The following CAST variants were observed in gnomAD, a reference collection of about 807,000 sequenced individuals.
The protein encoded by CAST is calpastatin, also known as MIR583 host.
Under a neutral mutation model 119.6 loss-of-function variants are expected in CAST, and 76 were observed. The ratio of observed to expected loss-of-function variants is 0.64; its 90% confidence interval spans 0.53 to 0.77. The LOEUF is 0.77. Ranked by LOEUF, CAST falls within the 30% of genes least tolerant of loss-of-function variation. CAST has a pLI of 0.00. For synonymous variants in CAST, 319 were observed against 331.6 expected (o/e 0.96, Z 0.41); for missense variants, 953 against 946.5 (o/e 1.01, Z -0.09).
the CAST span, among the ~76,000 whole-genome samples, chr5:96,062,508 T>C: frequency 1.3e-5 from 2 of 152,116 alleles, no homozygotes; most frequent in Non-Finnish European, 2.9e-5. Context: ...AACTTTGGGA[T>C]CTGTGGGTTT....
In CAST at chr5:96,766,039, C is replaced by T; in HGVS notation, c.2038-14C>T. ...GAAATGAATATTAATTCTATCTGCTCACTGTTGATATAGGAAAAAGCTAAA... is the reference window on the plus strand; with the variant it reads ...GAAATGAATATTAATTCTATCTGCTTACTGTTGATATAGGAAAAAGCTAAA... On this transcript the variant is annotated splice_polypyrimidine_tract_variant and intron_variant, in intron 26 of 31. Transcript: ENST00000675179. The T allele has an allele frequency of 2.1e-6, 3 of 1,398,700 alleles. No homozygotes were observed. The highest frequency in any genetic ancestry group is 1.4e-5 in the African/African-American group (1 of 70,524). 86.6% of individuals were successfully genotyped at this position (1,398,700 alleles called of 1,614,324 possible).
At chr5:96,008,456 G>A in the CAST span, among the ~76,000 whole-genome samples, 2 of 152,012 alleles carry the variant, frequency 1.3e-5, no homozygotes, top group African/African-American at 4.8e-5. Flanking sequence ...GTATGTATAT[G>A]TCATTTTTTC....
chr5:96,171,917 TCCCCACCC>T, the CAST span, among the ~76,000 whole-genome samples: 1 of 151,416 alleles, frequency 6.6e-6, no homozygotes, highest in East Asian at 1.9e-4. Flanking sequence ...CCAAGGGAGG[TCCCCACCC>T]CCCCACGCCC....
chr5:96,258,873 C>G, the CAST span, among the ~76,000 whole-genome samples: 55 of 152,266 alleles, frequency 3.6e-4, 1 homozygote, highest in African/African-American at 1.3e-3. Context: ...GTGAAAAATA[C>G]AATCTTATAT....
the CAST span, among the ~76,000 whole-genome samples, chr5:96,466,479 C>T: frequency 3.3e-5 from 5 of 152,176 alleles, no homozygotes; most frequent in Middle Eastern, 3.4e-3. Flanking sequence ...TGCCCTGCCT[C>T]GGTCCCTCGT....
chr5:96,056,592 G>T, the CAST span, among the ~76,000 whole-genome samples: 1 of 152,114 alleles, frequency 6.6e-6, no homozygotes, highest in African/African-American at 2.4e-5. Context: ...AGAGCTTTGT[G>T]CCATTGCATC....
the CAST span, among the ~76,000 whole-genome samples, chr5:96,408,480 TG>T: frequency 3.9e-5 from 6 of 152,226 alleles, no homozygotes; most frequent in Non-Finnish European, 7.3e-5. Flanking sequence ...GGCGGATGTT[TG>T]CCATCTGCTG....
the CAST span, among the ~76,000 whole-genome samples, chr5:96,361,755 CTGACAGGAGCGATT>C: frequency 8.6e-6 from 1 of 115,618 alleles, no homozygotes; most frequent in East Asian, 2.7e-4. Flanking sequence ...GTGGGAGCTG[CTGACAGGAGCGATT>C]TGTCTTCAGT....
intron 1 of CAST, among the ~76,000 whole-genome samples, chr5:96,594,745 A>C (rs1015689858): frequency 6.6e-6 from 1 of 152,160 alleles, no homozygotes; most frequent in Admixed American, 6.5e-5. Flanking sequence ...ACCGGCTATG[A>C]TATTATAGTA....
the CAST span, among the ~76,000 whole-genome samples, chr5:96,125,672 T>C: frequency 2.0e-5 from 3 of 152,172 alleles, no homozygotes; most frequent in African/African-American, 7.2e-5. Flanking sequence ...TACACTCAGC[T>C]TAAAGTGCTC....
At chr5:96,023,402 G>A in the CAST span, among the ~76,000 whole-genome samples, 1 of 152,176 alleles carries the variant, frequency 6.6e-6, no homozygotes, top group East Asian at 1.9e-4. Context: ...AGTTTGAAAC[G>A]TTGAGTAGGG....
chr5:96,392,916 G>A, the CAST span: 1 of 1,364,798 alleles, frequency 7.3e-7, no homozygotes, highest in South Asian at 1.2e-5. Flanking sequence ...AAGAATTCAT[G>A]ACAAAACAAC....
chr5:96,199,355 T>C, the CAST span, among the ~76,000 whole-genome samples: 3 of 152,310 alleles, frequency 2.0e-5, no homozygotes, highest in South Asian at 6.2e-4. Flanking sequence ...CAAAAAAGGA[T>C]GAGAAATATT....
chr5:96,622,201 C>T (rs908850800), intron 1 of CAST, among the ~76,000 whole-genome samples: 2 of 151,956 alleles, frequency 1.3e-5, no homozygotes, highest in African/African-American at 4.8e-5. Context: ...ATCTCCTGAC[C>T]TCATGATCCA....
chr5:96,247,710 T>C, the CAST span: 1 of 152,244 alleles, frequency 6.6e-6, no homozygotes, highest in African/African-American at 2.4e-5. Flanking sequence ...TTGGCAGCTA[T>C]CACAGCAATA....
chr5:96,074,935 G>A, the CAST span, among the ~76,000 whole-genome samples: 1 of 152,192 alleles, frequency 6.6e-6, no homozygotes, highest in African/African-American at 2.4e-5. Context: ...GAATAAACCA[G>A]TGGAAACTTA....
the CAST span, among the ~76,000 whole-genome samples, chr5:96,211,711 G>A: frequency 3.3e-5 from 5 of 152,000 alleles, no homozygotes; most frequent in African/African-American, 4.8e-5. Context: ...TAAAGTTGGT[G>A]TTAATTCTTC....
chr5:96,467,430 C>T, the CAST span, among the ~76,000 whole-genome samples: 4,781 of 152,024 alleles, frequency 0.031, 132 homozygotes, highest in African/African-American at 0.066. Context: ...GAAAATTTCC[C>T]ATGTTTTTCT....
At chr5:96,651,501 T>C (rs936807220) in intron 1 of CAST, among the ~76,000 whole-genome samples, 2 of 152,244 alleles carry the variant, frequency 1.3e-5, no homozygotes, top group African/African-American at 2.4e-5. Flanking sequence ...TTTCTTATCC[T>C]GTCTCTACTG....
Sources: allele counts gnomAD v4.1 joint callset (sites outside exome capture counted in the v4.1 genomes callset), GRCh38; gene constraint gnomAD v4.1.1; transcripts MANE v1.5; gene names NCBI Gene and HGNC (gene_info 2026-07-23, HGNC 2026-07-21).